Variants in SGCD observed in about 807,000 individuals in gnomAD.
SGCD encodes the protein sarcoglycan delta.
In SGCD, 18 loss-of-function variants were observed where a neutral mutation model predicts 36.6. That is an observed-to-expected ratio of 0.49 (90% CI 0.34 to 0.73). SGCD has a LOEUF of 0.73. Ranked by LOEUF, SGCD falls within the 30% of genes least tolerant of loss-of-function variation. The probability of loss-of-function intolerance (pLI) is 0.01; values close to 1 mark genes in which losing one functional copy is unlikely to be tolerated. For missense variants in SGCD, 387 were observed against 346.7 expected (o/e 1.12, Z -0.92); for synonymous variants, 133 against 130.6 (o/e 1.02, Z -0.12).
intron 7 of SGCD, among the ~76,000 whole-genome samples, chr5:156,723,941 C>T (rs1296540620): frequency 6.6e-6 from 1 of 151,944 alleles, no homozygotes; most frequent in Admixed American, 6.6e-5. Context: ...CTGCAATGTA[C>T]AGAATGGATG....
intron 3 of SGCD, among the ~76,000 whole-genome samples, chr5:156,183,115 A>G (rs1189257195): frequency 6.6e-6 from 1 of 152,198 alleles, no homozygotes; most frequent in Non-Finnish European, 1.5e-5. Flanking sequence ...TCCCATCTCT[A>G]CTAAAATTAC....
chr5:155,809,424 G>A, the SGCD span, among the ~76,000 whole-genome samples: 1 of 152,202 alleles, frequency 6.6e-6, no homozygotes, highest in African/African-American at 2.4e-5. Context: ...CTAGTCTGGA[G>A]GTATGTCTCG....
At chr5:156,606,153 T>A (rs1761440309) in intron 6 of SGCD, among the ~76,000 whole-genome samples, 1 of 152,210 alleles carries the variant, frequency 6.6e-6, no homozygotes, top group Non-Finnish European at 1.5e-5. Flanking sequence ...TGCCTAGGTT[T>A]TCTTCTAGGG....
At chr5:156,636,366 T>C (rs1762828283) in intron 6 of SGCD, among the ~76,000 whole-genome samples, 1 of 152,200 alleles carries the variant, frequency 6.6e-6, no homozygotes, top group African/African-American at 2.4e-5. Context: ...ATTCAAAATA[T>C]CTGAGTTCCT....
intron 3 of SGCD, among the ~76,000 whole-genome samples, chr5:156,191,251 A>AAATT (rs1338464363): frequency 1.3e-5 from 2 of 152,156 alleles, no homozygotes; most frequent in African/African-American, 4.8e-5. Flanking sequence ...TGAAGATTCC[A>AAATT]AAGTTGGAAT....
intron 1 of SGCD, among the ~76,000 whole-genome samples, chr5:156,088,658 C>T (rs1305794846): frequency 6.6e-6 from 1 of 152,006 alleles, no homozygotes; most frequent in Non-Finnish European, 1.5e-5. Flanking sequence ...CACTGCTATA[C>T]TCGGCTAATT....
chr5:156,174,968 A>T (rs1247502796), intron 3 of SGCD, among the ~76,000 whole-genome samples: 1 of 152,168 alleles, frequency 6.6e-6, no homozygotes, highest in African/African-American at 2.4e-5. Context: ...TAGGATTTTA[A>T]AAAAAAGATC....
At chr5:156,316,747 G>C (rs1053690945) in intron 3 of SGCD, among the ~76,000 whole-genome samples, 1 of 151,954 alleles carries the variant, frequency 6.6e-6, no homozygotes, top group African/African-American at 2.4e-5. Flanking sequence ...GGAAAGTTCA[G>C]ACTTTATCCT....
rs548463613 is a variant in SGCD, at chr5:156,027,496, A to G, written c.-281-90382A>G. On this transcript the variant is annotated intron_variant, in intron 1 of 9. Transcript: ENST00000517913. ...CTGATTCCAATTTTATTAGAATATG[A>G]TGACAATTGAATAGCAGATATCATG... 1.1e-3 allele frequency among the ~76,000 whole-genome samples: 166 copies of G among 152,330 alleles called. 1 individual carries two copies. The South Asian group carries it at 0.02, about 19-fold the overall frequency.
At chr5:156,639,750 C>T (rs1422157906) in intron 6 of SGCD, among the ~76,000 whole-genome samples, 2 of 152,024 alleles carry the variant, frequency 1.3e-5, no homozygotes, top group Non-Finnish European at 2.9e-5. Flanking sequence ...CACAGATAAA[C>T]TGTTCCCTCC....
At chr5:156,252,684 A>G (rs1765613452) in intron 3 of SGCD, among the ~76,000 whole-genome samples, 1 of 152,220 alleles carries the variant, frequency 6.6e-6, no homozygotes. Flanking sequence ...GAAGCAGTTT[A>G]CCAGCAAGCA....
chr5:156,429,067 G>C (rs1604958), intron 3 of SGCD, among the ~76,000 whole-genome samples: 122,688 of 151,884 alleles, frequency 0.81, 50,223 homozygotes, highest in African/African-American at 0.94. Context: ...TCTTTGTTGA[G>C]TTTCTGTCTT....
chr5:156,289,930 A>G (rs1160948236), intron 3 of SGCD, among the ~76,000 whole-genome samples: 2 of 152,150 alleles, frequency 1.3e-5, no homozygotes, highest in African/African-American at 4.8e-5. Context: ...ACTGAATTAT[A>G]TGGAATCAAG....
the SGCD span, among the ~76,000 whole-genome samples, chr5:155,747,781 C>T: frequency 2.0e-5 from 3 of 152,162 alleles, no homozygotes; most frequent in Admixed American, 6.5e-5. Flanking sequence ...GCTCCTCCCC[C>T]CTTATCTGTC....
chr5:156,019,287 C>T lies in SGCD; in HGVS notation c.-281-98591C>T, dbSNP rs187719855. 1.2e-4 allele frequency among the ~76,000 whole-genome samples: 19 copies of T among 152,234 alleles called. No individual in the cohort carries two copies. The East Asian group carries it at 3.1e-3, about 25-fold the overall frequency. ...GGGAGCAGTAAATCACCATATGCTA[C>T]GCTACTTCTAGGCTTGGACTCAGAA... On this transcript the variant is annotated intron_variant, in intron 1 of 9. Coordinates refer to the SGCD transcript ENST00000517913.
the SGCD span, among the ~76,000 whole-genome samples, chr5:155,850,399 A>G: frequency 6.6e-6 from 1 of 151,884 alleles, no homozygotes; most frequent in Non-Finnish European, 1.5e-5. Context: ...ACCTCAAAAT[A>G]GAGACAGAGA....
At chr5:156,751,078 G>GT (rs1486620515) in intron 7 of SGCD, among the ~76,000 whole-genome samples, 3 of 152,158 alleles carry the variant, frequency 2.0e-5, no homozygotes, top group Non-Finnish European at 4.4e-5. Flanking sequence ...CAAGAATAAG[G>GT]TAAGAGGATT....
chr5:156,234,631 A>T (rs984868953), intron 3 of SGCD, among the ~76,000 whole-genome samples: 1 of 152,216 alleles, frequency 6.6e-6, no homozygotes, highest in African/African-American at 2.4e-5. Flanking sequence ...TCAAAATCAC[A>T]GCACTCGATT....
At chr5:156,187,192 A>G (rs1763781036) in intron 3 of SGCD, among the ~76,000 whole-genome samples, 3 of 152,166 alleles carry the variant, frequency 2.0e-5, no homozygotes, top group African/African-American at 7.2e-5. Context: ...ACCACAGCAG[A>G]GAGGAAAAAG....
Sources: gnomAD v4.1 joint callset for allele counts (sites outside exome capture counted in the v4.1 genomes callset) on GRCh38, gnomAD v4.1.1 for gene constraint, MANE v1.5 for transcripts, NCBI Gene and HGNC (gene_info 2026-07-23, HGNC 2026-07-21) for gene names.